The following TP63 variants were observed in gnomAD, a reference collection of about 807,000 sequenced individuals.
The protein encoded by TP63 is tumor protein 63.
A neutral mutation model predicts 82.8 loss-of-function variants in TP63; 17 were observed. The ratio of observed to expected loss-of-function variants is 0.21; its 90% CI spans 0.14 to 0.31. TP63 has a LOEUF of 0.31. TP63 is among the 10% of genes least tolerant of loss of function. TP63 has a pLI of 1.00. For synonymous variants in TP63, 330 were observed against 321.7 expected (o/e 1.03, Z -0.28); for missense variants, 648 against 895.3 (o/e 0.72, Z 3.52).
chr3:189,603,272 A>C, the TP63 span, among the ~76,000 whole-genome samples: 1 of 152,066 alleles, frequency 6.6e-6, no homozygotes, highest in Non-Finnish European at 1.5e-5. Context: ...CCAACTCCTT[A>C]TATGTGCCCA....
chr3:189,790,540 T>C (rs564059119), intron 3 of TP63, among the ~76,000 whole-genome samples: 43 of 152,152 alleles, frequency 2.8e-4, no homozygotes, highest in Middle Eastern at 3.4e-3. Context: ...TTCTGATCTC[T>C]TCTCAGCAAG....
At chr3:189,858,548 G>A (rs191302969) in intron 4 of TP63, among the ~76,000 whole-genome samples, 3 of 152,348 alleles carry the variant, frequency 2.0e-5, no homozygotes, top group Admixed American at 2.0e-4. Context: ...GCTGAGACAG[G>A]AGGATCACTT....
intron 3 of TP63, among the ~76,000 whole-genome samples, chr3:189,772,302 C>A (rs1339795114): frequency 1.3e-5 from 2 of 152,222 alleles, no homozygotes; most frequent in Admixed American, 1.3e-4. Flanking sequence ...AATAAGGACA[C>A]TGAAGCTCCT....
chr3:189,862,263 T>C (rs572059958), intron 4 of TP63, among the ~76,000 whole-genome samples: 278 of 152,238 alleles, frequency 1.8e-3, no homozygotes, highest in African/African-American at 6.3e-3. Context: ...TAGGGTTGTA[T>C]CAGGATAAAA....
intron 1 of TP63, among the ~76,000 whole-genome samples, chr3:189,681,133 C>T (rs1204525329): frequency 6.6e-6 from 1 of 152,076 alleles, no homozygotes; most frequent in African/African-American, 2.4e-5. Flanking sequence ...TACTTCTGTG[C>T]TCCTATAATC....
intron 3 of TP63, among the ~76,000 whole-genome samples, chr3:189,786,792 C>T (rs938067423): frequency 1.3e-5 from 2 of 151,886 alleles, no homozygotes; most frequent in Non-Finnish European, 2.9e-5. Flanking sequence ...GGGACATTGA[C>T]GTAAAATCCT....
In TP63 at chr3:189,875,615, T is replaced by C. The variant is rs867474551; in HGVS notation, c.1349+2620T>C. 1.2e-3 allele frequency among the ~76,000 whole-genome samples: 127 copies of C among 110,372 alleles called. 7 individuals carry two copies. The highest frequency in any genetic ancestry group is 4.0e-3 in the African/African-American group (102 of 25,644). 72.4% of individuals were successfully genotyped at this position (110,372 alleles called of 152,430 possible). On this transcript the variant is annotated intron_variant, in intron 10 of 13. Transcript: ENST00000264731. ...ATACATATATATATATATATATATA[T>C]ATATATATATATATATATATATAAA...
chr3:189,746,507 A>G lies in TP63; in HGVS notation c.324+7733A>G, dbSNP rs1395066104. On this transcript the variant is annotated intron_variant, in intron 3 of 13. Coordinates refer to ENST00000264731, the MANE Select transcript of TP63 (RefSeq NM_003722.5). ...ACTGATACAACAAACATAAAAACAA[A>G]GAAAAGTCTCAAATGTTAACACTAC... 5.3e-5 allele frequency among the ~76,000 whole-genome samples: 8 copies of G among 152,046 alleles called. 1 individual carries two copies.
chr3:189,688,219 A>T (rs1716598702), intron 1 of TP63, among the ~76,000 whole-genome samples: 1 of 152,220 alleles, frequency 6.6e-6, no homozygotes, highest in Non-Finnish European at 1.5e-5. Flanking sequence ...CTTAGAGATA[A>T]TATTGTCTTC....
At chr3:189,822,752 A>C (rs894228374) in intron 4 of TP63, among the ~76,000 whole-genome samples, 3 of 152,188 alleles carry the variant, frequency 2.0e-5, no homozygotes, top group Non-Finnish European at 4.4e-5. Flanking sequence ...CAAAATGATA[A>C]CGCTCTTCAT....
intron 12 of TP63, among the ~76,000 whole-genome samples, chr3:189,889,841 C>T (rs774427178): frequency 2.6e-5 from 4 of 152,202 alleles, no homozygotes; most frequent in African/African-American, 9.7e-5. Flanking sequence ...CTTGCTATCT[C>T]GCTCCTTTTC....
Position 189,631,542 on chromosome 3 carries a change from C to T in TP63, c.27C>T (p.Ala9=), listed in dbSNP as rs1729455945. The T allele has an allele frequency of 6.2e-7, 1 of 1,612,902 alleles. No individual in the cohort carries two copies. Among genetic ancestry groups the T allele is most frequent in the South Asian group, 1.1e-5 (1 of 91,070 alleles). ...TGAATTTTGAAACTTCACGGTGTGC[C>T]ACCCTACAGTACTGCCCTGACCCTT... MNFETSRC[A]TLQYCPDPYI... Residue 9 remains alanine, a synonymous_variant, in exon 1 of 14, where the codon GCC becomes GCT. Transcript: ENST00000264731.
At chr3:189,777,978 C>G (rs1723949231) in intron 3 of TP63, among the ~76,000 whole-genome samples, 1 of 151,040 alleles carries the variant, frequency 6.6e-6, no homozygotes, top group Non-Finnish European at 1.5e-5. Context: ...GCGTCAGCCT[C>G]CTGAGTCGCT....
chr3:189,821,526 T>A (rs1419877940), intron 4 of TP63, among the ~76,000 whole-genome samples: 1 of 152,204 alleles, frequency 6.6e-6, no homozygotes, highest in Non-Finnish European at 1.5e-5. Context: ...GGGAAAGAAT[T>A]AGAGTGTTGC....
chr3:189,832,043 G>T (rs1036397746), intron 4 of TP63, among the ~76,000 whole-genome samples: 2 of 151,918 alleles, frequency 1.3e-5, no homozygotes, highest in Admixed American at 1.3e-4. Context: ...TGTTGGTCAG[G>T]CTGGTCTTGA....
chr3:189,767,433 C>CG (rs952507522), intron 3 of TP63, among the ~76,000 whole-genome samples: 8 of 152,228 alleles, frequency 5.3e-5, no homozygotes, highest in Admixed American at 2.6e-4. Context: ...ATTTATGCAG[C>CG]GGAATCAGGA....
At chr3:189,639,533 C>A (rs1356546159) in intron 1 of TP63, among the ~76,000 whole-genome samples, 2 of 152,096 alleles carry the variant, frequency 1.3e-5, no homozygotes, top group Non-Finnish European at 2.9e-5. Context: ...TGTAAGGGCT[C>A]AAAATCTCTT....
intron 4 of TP63, 93 bp from the exon 5 acceptor site, chr3:189,864,139 A>T: frequency 6.4e-7 from 1 of 1,550,668 alleles, no homozygotes; most frequent in Non-Finnish European, 8.9e-7. Flanking sequence ...AGCTCTAAAA[A>T]GTGGACAGAT....
At chr3:189,889,943 A>T (rs969894560) in intron 12 of TP63, among the ~76,000 whole-genome samples, 2 of 152,200 alleles carry the variant, frequency 1.3e-5, no homozygotes, top group African/African-American at 4.8e-5. Context: ...ATCCAAAATG[A>T]CAGGGACTTT....
Sources: gnomAD v4.1 joint callset for allele counts (sites outside exome capture counted in the v4.1 genomes callset) on GRCh38, gnomAD v4.1.1 for gene constraint, MANE v1.5 for transcripts, NCBI Gene and HGNC (gene_info 2026-07-23, HGNC 2026-07-21) for gene names.